The following RBMS1 variants were observed in gnomAD, a reference collection of about 807,000 sequenced individuals.
The protein encoded by RBMS1 is RNA-binding motif, single-stranded-interacting protein 1.
A neutral mutation model predicts 62.3 loss-of-function variants in RBMS1; 17 were observed. That is an observed-to-expected ratio of 0.27 (90% confidence interval 0.19 to 0.41). The LOEUF (loss-of-function observed/expected upper bound fraction) is 0.41, where lower values mean the gene tolerates loss of function less well. Among genes scored for constraint, RBMS1 ranks in the 10% least tolerant of loss-of-function variants. The pLI is 1.00. For synonymous variants in RBMS1, 172 were observed against 170.0 expected, an observed-to-expected ratio of 1.01 and a Z score of -0.09; for missense variants, 334 against 504.5, an observed-to-expected ratio of 0.66 and a Z score of 3.24.
chr2:160,337,551 G>C (rs962997156), intron 2 of RBMS1, among the ~76,000 whole-genome samples: 2 of 152,004 alleles, frequency 1.3e-5, no homozygotes, highest in African/African-American at 4.8e-5. Flanking sequence ...TTAGGGCTTT[G>C]AATGAGCTTT....
intron 2 of RBMS1, among the ~76,000 whole-genome samples, chr2:160,324,915 C>T (rs867008123): frequency 0.023 from 2,480 of 108,128 alleles, 33 homozygotes; most frequent in Middle Eastern, 0.041. Context: ...TATACACACA[C>T]ACACACACAC....
chr2:160,324,907 T>TATATATATACATAC (rs1321182985), intron 2 of RBMS1, among the ~76,000 whole-genome samples: 6 of 106,812 alleles, frequency 5.6e-5, no homozygotes, highest in Admixed American at 3.6e-4. Context: ...TATATATATA[T>TATATATATACATAC]ACACACACAC....
chr2:160,433,954 T>C (rs1683010833), intron 1 of RBMS1, among the ~76,000 whole-genome samples: 1 of 152,266 alleles, frequency 6.6e-6, no homozygotes, highest in South Asian at 2.1e-4. Context: ...CTTTGGATTA[T>C]GTGATAAGGA....
At chr2:160,281,908 A>G (rs1295704373) in intron 9 of RBMS1, 4 of 192,078 alleles carry the variant, frequency 2.1e-5, no homozygotes, top group Non-Finnish European at 4.4e-5. Context: ...AGTGCAGAAA[A>G]TAAAAATCTG....
At chr2:160,304,444 G>GT (rs1184958865) in intron 4 of RBMS1, among the ~76,000 whole-genome samples, 1 of 152,156 alleles carries the variant, frequency 6.6e-6, no homozygotes, top group Non-Finnish European at 1.5e-5. Context: ...ATACCAGTAA[G>GT]TAACACCGAC....
intron 1 of RBMS1, among the ~76,000 whole-genome samples, chr2:160,439,284 C>G: frequency 6.7e-6 from 1 of 149,748 alleles, no homozygotes. Context: ...CGGAAGGGCT[C>G]CTCACTTCTC....
chr2:160,421,780 T>C (rs938737253), intron 1 of RBMS1, among the ~76,000 whole-genome samples: 1 of 152,194 alleles, frequency 6.6e-6, no homozygotes, highest in African/African-American at 2.4e-5. Flanking sequence ...TAAAAATGTT[T>C]CTATTTCTCC....
At chr2:160,456,591 A>T (rs1684242626) in intron 1 of RBMS1, among the ~76,000 whole-genome samples, 1 of 152,246 alleles carries the variant, frequency 6.6e-6, no homozygotes, top group South Asian at 2.1e-4. Flanking sequence ...ACTGAGCATA[A>T]TTTAAACATT....
At chr2:160,337,248 C>T (rs1312889012) in intron 2 of RBMS1, among the ~76,000 whole-genome samples, 1 of 151,790 alleles carries the variant, frequency 6.6e-6, no homozygotes, top group East Asian at 1.9e-4. Flanking sequence ...ATCCTCCTGC[C>T]TCAGCCTCCT....
chr2:160,463,468 A>G (rs1278718577), intron 1 of RBMS1, among the ~76,000 whole-genome samples: 1 of 152,214 alleles, frequency 6.6e-6, no homozygotes, highest in Non-Finnish European at 1.5e-5. Context: ...TTTCAGAATG[A>G]GACGCACTTC....
chr2:160,484,183 A>C (rs926569806), intron 1 of RBMS1, among the ~76,000 whole-genome samples: 4 of 151,974 alleles, frequency 2.6e-5, no homozygotes, highest in African/African-American at 7.2e-5. Context: ...ATTCTAGGTA[A>C]ACATTTGAGG....
At chr2:160,467,282 C>A (rs1364813806) in intron 1 of RBMS1, among the ~76,000 whole-genome samples, 1 of 151,628 alleles carries the variant, frequency 6.6e-6, no homozygotes, top group African/African-American at 2.4e-5. Context: ...AGTAAGTGTA[C>A]AAGGTGAAAG....
At chr2:160,277,242 T>A in intron 12 of RBMS1, 61 bp downstream of exon 12, 1 of 1,407,232 alleles carries the variant, frequency 7.1e-7, no homozygotes, top group Non-Finnish European at 1.0e-6. Flanking sequence ...GAGTTCTATT[T>A]AATTTACCCA....
intron 10 of RBMS1, among the ~76,000 whole-genome samples, chr2:160,280,818 A>T (rs1446224144): frequency 2.6e-5 from 4 of 152,192 alleles, no homozygotes; most frequent in Non-Finnish European, 2.9e-5. Context: ...CATTCAATTT[A>T]AAAAAATGTA....
At chr2:160,371,666 G>T (rs949785756) in intron 1 of RBMS1, among the ~76,000 whole-genome samples, 1 of 152,176 alleles carries the variant, frequency 6.6e-6, no homozygotes, top group Non-Finnish European at 1.5e-5. Flanking sequence ...TTTCCTGCAC[G>T]AGTGGTTTGG....
At chr2:160,352,019 C>T (rs892232108) in intron 2 of RBMS1, among the ~76,000 whole-genome samples, 1 of 152,062 alleles carries the variant, frequency 6.6e-6, no homozygotes, top group African/African-American at 2.4e-5. Flanking sequence ...AGTAGTTTTT[C>T]CACAGACACA....
chr2:160,294,282 C>T (rs1031739657), intron 6 of RBMS1, among the ~76,000 whole-genome samples: 2 of 152,172 alleles, frequency 1.3e-5, no homozygotes, highest in African/African-American at 4.8e-5. Context: ...ACATCAGACA[C>T]AAAAGCACAA....
intron 4 of RBMS1, among the ~76,000 whole-genome samples, chr2:160,307,968 C>A (rs1024698880): frequency 3.9e-5 from 6 of 152,114 alleles, no homozygotes; most frequent in African/African-American, 1.2e-4. Flanking sequence ...TAAGTGATTG[C>A]CCTTAATTTT....
intron 2 of RBMS1, among the ~76,000 whole-genome samples, chr2:160,353,981 G>A (rs1458441785): frequency 1.3e-5 from 2 of 152,110 alleles, no homozygotes; most frequent in African/African-American, 4.8e-5. Flanking sequence ...CAGAGAGGTT[G>A]AGAAATTTGC....
Sources: gnomAD v4.1 joint callset for allele counts (sites outside exome capture counted in the v4.1 genomes callset) on GRCh38, gnomAD v4.1.1 for gene constraint, MANE v1.5 for transcripts, NCBI Gene and HGNC (gene_info 2026-07-23, HGNC 2026-07-21) for gene names.